Variants in CRACD observed in about 807,000 individuals in gnomAD.
CRACD encodes capping protein inhibiting regulator of actin dynamics.
CRACD carries 56 observed loss-of-function variants against 106.8 expected under a neutral mutation model. That is an observed-to-expected ratio of 0.52 (90% confidence interval 0.42 to 0.66). CRACD has a LOEUF of 0.66. CRACD is among the 30% of genes least tolerant of loss of function. CRACD has a pLI of 0.00. For synonymous variants in CRACD, 754 were observed against 670.8 expected (o/e 1.12, Z -1.92); for missense variants, 1,730 against 1,623.2 (o/e 1.07, Z -1.13).
In CRACD at chr4:56,221,422, A is replaced by G. The variant is rs533422095; in HGVS notation, c.-189+41992A>G. On this transcript the variant is annotated intron_variant, in intron 2 of 10. Coordinates refer to ENST00000682029, the MANE Select transcript of CRACD (RefSeq NM_001393381.1). ...ACAGCAGTATTTTGAGGAAGGGGAAATTGGCTTGAGGAATGGGGTAGGAAG... is the reference window on the plus strand; with the variant it reads ...ACAGCAGTATTTTGAGGAAGGGGAAGTTGGCTTGAGGAATGGGGTAGGAAG... Among the ~76,000 whole-genome samples, 57 of 152,304 alleles carry G rather than the reference A, an allele frequency of 3.7e-4. 1 individual carries two copies. Among genetic ancestry groups the G allele is most frequent in the African/African-American group, 1.3e-3 (55 of 41,576 alleles).
At chr4:56,228,696 GAGA>G (rs1232156155) in intron 2 of CRACD, among the ~76,000 whole-genome samples, 2 of 151,986 alleles carry the variant, frequency 1.3e-5, no homozygotes, top group South Asian at 4.2e-4. Flanking sequence ...AGAAATCGGA[GAGA>G]AGGTCAGACA....
At chr4:56,227,233 G>A (rs549624573) in intron 2 of CRACD, among the ~76,000 whole-genome samples, 92 of 152,088 alleles carry the variant, frequency 6.0e-4, no homozygotes, top group Non-Finnish European at 1.1e-3. Flanking sequence ...TGTAAATACT[G>A]TGACTATTAT....
chr4:56,131,542 G>A (rs1734825082), intron 1 of CRACD, among the ~76,000 whole-genome samples: 1 of 152,200 alleles, frequency 6.6e-6, no homozygotes, highest in Admixed American at 6.5e-5. Flanking sequence ...TACTTGTGTA[G>A]TATGGAGCTT....
At chr4:56,191,404 C>CCTCT (rs1407168688) in intron 2 of CRACD, among the ~76,000 whole-genome samples, 1 of 151,990 alleles carries the variant, frequency 6.6e-6, no homozygotes. Flanking sequence ...TCCCTCCCTC[C>CCTCT]CTCTGTTCCT....
chr4:56,093,674 C>A (rs993550960), intron 1 of CRACD, among the ~76,000 whole-genome samples: 1 of 152,274 alleles, frequency 6.6e-6, no homozygotes, highest in Admixed American at 6.5e-5. Context: ...CAATGTGATG[C>A]CTTATCTTCT....
At chr4:56,062,055 T>C (rs1328538208) in intron 1 of CRACD, among the ~76,000 whole-genome samples, 1 of 152,228 alleles carries the variant, frequency 6.6e-6, no homozygotes, top group Non-Finnish European at 1.5e-5. Context: ...ATGCCACTTG[T>C]GTTGGTAATT....
intron 8 of CRACD, among the ~76,000 whole-genome samples, chr4:56,317,016 G>T (rs1222601806): frequency 6.6e-6 from 1 of 152,130 alleles, no homozygotes; most frequent in Non-Finnish European, 1.5e-5. Context: ...TGTCAGCAAG[G>T]GTTGCAAAAT....
At chr4:56,160,779 G>A (rs1006882466) in intron 1 of CRACD, among the ~76,000 whole-genome samples, 4 of 152,186 alleles carry the variant, frequency 2.6e-5, no homozygotes, top group African/African-American at 9.7e-5. Context: ...CACCTGTTAC[G>A]TGATAAACTC....
At chr4:56,109,888 C>G (rs1734063853) in intron 1 of CRACD, among the ~76,000 whole-genome samples, 1 of 151,472 alleles carries the variant, frequency 6.6e-6, no homozygotes, top group African/African-American at 2.4e-5. Flanking sequence ...GGAAAATCCA[C>G]AGAGAGGGAC....
chr4:56,308,571 T>G (rs1443059952), intron 5 of CRACD, among the ~76,000 whole-genome samples: 2 of 152,100 alleles, frequency 1.3e-5, no homozygotes, highest in South Asian at 2.1e-4. Flanking sequence ...TGGGCATGTC[T>G]CAGAAGAAAT....
At chr4:56,108,685 A>G (rs1734025166) in intron 1 of CRACD, among the ~76,000 whole-genome samples, 1 of 152,140 alleles carries the variant, frequency 6.6e-6, no homozygotes, top group Non-Finnish European at 1.5e-5. Flanking sequence ...AGTCCAAGTA[A>G]TTGATAAGGT....
chr4:56,278,420 TC>T (rs1025239846), intron 3 of CRACD, among the ~76,000 whole-genome samples: 4 of 152,196 alleles, frequency 2.6e-5, no homozygotes, highest in African/African-American at 9.6e-5. Context: ...GAAGAGTTTT[TC>T]AACAAATATT....
intron 2 of CRACD, among the ~76,000 whole-genome samples, chr4:56,196,174 C>T (rs924606340): frequency 4.6e-5 from 7 of 152,128 alleles, no homozygotes; most frequent in Non-Finnish European, 7.4e-5. Flanking sequence ...TTTGTTTCCT[C>T]CATCTCTTCC....
chr4:56,294,070 T>G (rs1347483266), intron 3 of CRACD, among the ~76,000 whole-genome samples: 1 of 151,928 alleles, frequency 6.6e-6, no homozygotes, highest in African/African-American at 2.4e-5. Flanking sequence ...TACAAAAAAT[T>G]TTAAAAGTAG....
chr4:56,254,220 T>G (rs1462229710), intron 2 of CRACD, among the ~76,000 whole-genome samples: 2 of 152,160 alleles, frequency 1.3e-5, no homozygotes, highest in African/African-American at 4.8e-5. Flanking sequence ...TTCATCTACA[T>G]GTAGTGCTCT....
intron 1 of CRACD, among the ~76,000 whole-genome samples, chr4:56,081,938 G>A (rs1258025720): frequency 6.6e-6 from 1 of 152,006 alleles, no homozygotes; most frequent in Non-Finnish European, 1.5e-5. Context: ...TTGAGCCATT[G>A]TATTCTAGCC....
chr4:56,070,040 T>A (rs982276321), intron 1 of CRACD, among the ~76,000 whole-genome samples: 2 of 152,228 alleles, frequency 1.3e-5, no homozygotes, highest in African/African-American at 2.4e-5. Context: ...GTCAGATGTT[T>A]TGGAGCCAAC....
intron 2 of CRACD, among the ~76,000 whole-genome samples, chr4:56,220,462 C>T (rs543208803): frequency 6.6e-6 from 1 of 152,242 alleles, no homozygotes; most frequent in Admixed American, 6.5e-5. Flanking sequence ...GTCAGATAGC[C>T]TGCTGGGGCC....
intron 2 of CRACD, among the ~76,000 whole-genome samples, chr4:56,245,180 A>T (rs1029446970): frequency 6.6e-6 from 1 of 152,168 alleles, no homozygotes; most frequent in African/African-American, 2.4e-5. Context: ...TATTTAATAC[A>T]TTAGGAATAT....
Sources: gnomAD v4.1 joint callset for allele counts (sites outside exome capture counted in the v4.1 genomes callset) on GRCh38, gnomAD v4.1.1 for gene constraint, MANE v1.5 for transcripts, NCBI Gene and HGNC (gene_info 2026-07-23, HGNC 2026-07-21) for gene names.